The following TMEM232 variants were observed in gnomAD, a reference collection of about 807,000 sequenced individuals.
TMEM232 encodes the protein transmembrane protein 232.
TMEM232 carries 80 observed loss-of-function variants against 78.8 expected under a neutral mutation model. The observed-to-expected ratio is 1.01, with a 90% CI of 0.85 to 1.22. The LOEUF is 1.22. Among genes scored for constraint, TMEM232 ranks in the 50% most tolerant of loss-of-function variants. The pLI, the probability that TMEM232 is intolerant of heterozygous loss-of-function variation, is 0.00. For synonymous variants in TMEM232, 297 were observed against 254.3 expected, an observed-to-expected ratio of 1.17 and a Z score of -1.60; for missense variants, 881 against 742.2, an observed-to-expected ratio of 1.19 and a Z score of -2.17.
At chr5:110,485,262 TATACA>T (rs1482124774) in intron 12 of TMEM232, among the ~76,000 whole-genome samples, 3 of 152,166 alleles carry the variant, frequency 2.0e-5, no homozygotes, top group African/African-American at 7.2e-5. Context: ...AGTAACAATG[TATACA>T]GAATATTCCA....
At chr5:110,406,080 C>T (rs1030976591) in intron 2 of TMEM232, among the ~76,000 whole-genome samples, 11 of 152,018 alleles carry the variant, frequency 7.2e-5, no homozygotes, top group African/African-American at 2.6e-4. Flanking sequence ...ACTGACTTCT[C>T]ATCAGAACAC....
intron 2 of TMEM232, among the ~76,000 whole-genome samples, chr5:110,406,003 A>G (rs918817302): frequency 6.6e-6 from 1 of 151,968 alleles, no homozygotes; most frequent in African/African-American, 2.4e-5. Flanking sequence ...AAAGAAAGAG[A>G]AAATCTTAAA....
At chr5:110,426,307 T>G (rs1757227255) in intron 12 of TMEM232, among the ~76,000 whole-genome samples, 1 of 152,036 alleles carries the variant, frequency 6.6e-6, no homozygotes, top group Admixed American at 6.6e-5. Flanking sequence ...CTGAGTAGAG[T>G]ATGAGCTACA....
intron 2 of TMEM232, among the ~76,000 whole-genome samples, chr5:110,654,134 G>T (rs1788707292): frequency 6.6e-6 from 1 of 152,178 alleles, no homozygotes; most frequent in Non-Finnish European, 1.5e-5. Flanking sequence ...GTTATTAACA[G>T]TCCCTGCTGC....
chr5:110,615,785 C>G (rs1322812016), intron 8 of TMEM232, among the ~76,000 whole-genome samples: 1 of 151,770 alleles, frequency 6.6e-6, no homozygotes. Context: ...TAAATGAATT[C>G]AGTAAAATTG....
intron 12 of TMEM232, among the ~76,000 whole-genome samples, chr5:110,433,348 T>A (rs962372834): frequency 1.3e-5 from 2 of 151,734 alleles, no homozygotes; most frequent in African/African-American, 4.8e-5. Flanking sequence ...TAGAAATACA[T>A]TGAAACTAAA....
chr5:110,525,752 G>A (rs971301468), intron 12 of TMEM232, among the ~76,000 whole-genome samples: 3 of 151,164 alleles, frequency 2.0e-5, no homozygotes, highest in Non-Finnish European at 4.4e-5. Context: ...TGGCAATATA[G>A]AACTAGCCCA....
At chr5:110,597,153 C>A (rs1302707352) in intron 10 of TMEM232, among the ~76,000 whole-genome samples, 1 of 152,114 alleles carries the variant, frequency 6.6e-6, no homozygotes, top group Non-Finnish European at 1.5e-5. Flanking sequence ...AGCTGATAAG[C>A]AACTTCAGCA....
At chr5:110,441,258 T>TG (rs766753669) in intron 12 of TMEM232, among the ~76,000 whole-genome samples, 10 of 152,152 alleles carry the variant, frequency 6.6e-5, no homozygotes, top group Non-Finnish European at 1.0e-4. Flanking sequence ...TCCCCTACTA[T>TG]GATAATCGAA....
intron 12 of TMEM232, among the ~76,000 whole-genome samples, chr5:110,468,804 G>C (rs1415835460): frequency 2.0e-5 from 3 of 152,078 alleles, no homozygotes; most frequent in Non-Finnish European, 4.4e-5. Context: ...CTTAGTTCTT[G>C]TAACTACCAC....
At position 110,713,224 on chromosome 5, in the gene TMEM232, A is replaced by G. The variant is rs556219823; in HGVS notation, c.-13+13403T>C. Among the ~76,000 whole-genome samples, 6 of 152,284 alleles carry G rather than the reference A, an allele frequency of 3.9e-5. No individual in the cohort carries two copies. The East Asian group carries it at 1.2e-3, about 29-fold the overall frequency. On this transcript the variant is annotated intron_variant, in intron 1 of 13. Coordinates refer to ENST00000455884, the MANE Select transcript of TMEM232 (RefSeq NM_001039763.4). ...AAACAGTTGAACTCATGGAGATAGT[A>G]CAAGGATTGTTAGTACAGGCTGGGA... is the stretch of plus-strand genomic sequence containing the variant.
chr5:110,618,024 A>T (rs531938837), intron 8 of TMEM232: 1 of 167,884 alleles, frequency 6.0e-6, no homozygotes, highest in Non-Finnish European at 1.3e-5. Context: ...TTTTTTTAAG[A>T]TTCATTTTTG....
chr5:110,681,291 C>T (rs1792720345), intron 1 of TMEM232, among the ~76,000 whole-genome samples: 1 of 152,180 alleles, frequency 6.6e-6, no homozygotes, highest in South Asian at 2.1e-4. Flanking sequence ...GGAATGTAAA[C>T]AGCCACATCT....
intron 2 of TMEM232, among the ~76,000 whole-genome samples, chr5:110,408,948 C>T (rs760663516): frequency 2.0e-5 from 3 of 152,116 alleles, no homozygotes; most frequent in Non-Finnish European, 4.4e-5. Context: ...CTACCTAGAC[C>T]AGTTGAACCC....
At chr5:110,568,831 C>T (rs1488210071) in intron 10 of TMEM232, among the ~76,000 whole-genome samples, 1 of 151,792 alleles carries the variant, frequency 6.6e-6, no homozygotes, top group Non-Finnish European at 1.5e-5. Flanking sequence ...AAATTTCTAA[C>T]CACATGAAAA....
At chr5:110,651,944 T>C (rs1191958357) in intron 2 of TMEM232, among the ~76,000 whole-genome samples, 1 of 152,170 alleles carries the variant, frequency 6.6e-6, no homozygotes, top group African/African-American at 2.4e-5. Context: ...CTTAAGTTTA[T>C]TTTTACTGTT....
intron 5 of TMEM232, among the ~76,000 whole-genome samples, chr5:110,632,269 C>A (rs1354330960): frequency 1.3e-5 from 2 of 151,166 alleles, no homozygotes; most frequent in African/African-American, 2.4e-5. Flanking sequence ...AAAGCAAATT[C>A]AAAAAATTGG....
chr5:110,687,725 CAT>C (rs963950735), intron 1 of TMEM232, among the ~76,000 whole-genome samples: 5 of 152,086 alleles, frequency 3.3e-5, no homozygotes, highest in African/African-American at 7.2e-5. Flanking sequence ...TCTCTCTATA[CAT>C]GTGTGTGTAT....
At chr5:110,586,627 T>A (rs1778850991) in intron 10 of TMEM232, among the ~76,000 whole-genome samples, 1 of 151,808 alleles carries the variant, frequency 6.6e-6, no homozygotes, top group Admixed American at 6.6e-5. Flanking sequence ...AAGATTTTTT[T>A]TTACATCAAA....
Sources: gnomAD v4.1 joint callset for allele counts (sites outside exome capture counted in the v4.1 genomes callset) on GRCh38, gnomAD v4.1.1 for gene constraint, MANE v1.5 for transcripts, NCBI Gene and HGNC (gene_info 2026-07-23, HGNC 2026-07-21) for gene names.